The following TGIF1 variants were observed in gnomAD, a reference collection of about 807,000 sequenced individuals.
TGIF1 encodes homeobox protein TGIF1.
Under a neutral mutation model 19.3 loss-of-function variants are expected in TGIF1, and 4 were observed. That is an observed-to-expected ratio of 0.21 (90% CI 0.10 to 0.47). TGIF1 has a LOEUF of 0.47. Ranked by LOEUF, TGIF1 falls within the 20% of genes least tolerant of loss-of-function variation. The pLI, the probability that TGIF1 is intolerant of heterozygous loss-of-function variation, is 0.98. For synonymous variants in TGIF1, 122 were observed against 129.3 expected (o/e 0.94, Z 0.38); for missense variants, 275 against 341.4 (o/e 0.81, Z 1.53).
In TGIF1 at chr18:3,457,942, C is replaced by T; in HGVS notation, c.*2C>T. ...CTTCAGGCAAAACTTACAGCTTAAC[C>T]CATTTTCAAGCAAAACAGTTCTCAG... On this transcript the variant is annotated 3_prime_UTR_variant, in exon 3 of 3. Transcript: ENST00000343820. This position sits in a 1 kb window ranked among gnomAD's most constrained non-coding sequence, Gnocchi z 4.9. 6.3e-7 allele frequency: 1 copy of T among 1,599,842 alleles called. No individual in the cohort carries two copies.
intron 2 of TGIF1, among the ~76,000 whole-genome samples, chr18:3,430,936 C>T (rs986123173): frequency 6.6e-6 from 1 of 152,116 alleles, no homozygotes; most frequent in Non-Finnish European, 1.5e-5. Context: ...AGACTTACTA[C>T]TTATTGTATA....
chr18:3,431,972 A>G (rs2082552620), intron 2 of TGIF1, among the ~76,000 whole-genome samples: 1 of 152,054 alleles, frequency 6.6e-6, no homozygotes, highest in Non-Finnish European at 1.5e-5. Context: ...CTACTAAAAT[A>G]CAAAAATTAG....
chr18:3,447,659 G>A, upstream of TGIF1: 2 of 1,533,164 alleles, frequency 1.3e-6, no homozygotes. Context: ...GAGCGGTTGG[G>A]CTGTAAGCTT....
intron 2 of TGIF1, among the ~76,000 whole-genome samples, chr18:3,421,817 C>T (rs959722968): frequency 4.6e-5 from 7 of 151,950 alleles, no homozygotes; most frequent in African/African-American, 9.7e-5. Context: ...TTGCAAAAGA[C>T]GGCATTGTTA....
chr18:3,456,219 A>T lies in TGIF1; in HGVS notation c.17-135A>T. On this transcript the variant is annotated intron_variant, in intron 1 of 2. Coordinates refer to ENST00000343820, the MANE Select transcript of TGIF1 (RefSeq NM_003244.4). The surrounding 1 kb of genome is among the most constrained non-coding windows in gnomAD (Gnocchi z 4.2). ...TTTACTTGGACCCTGAATTCAGGAC[A>T]GAAAACACTGCTCCTTCTCCTCGCT... 6.6e-6 allele frequency: 6 copies of T among 910,114 alleles called. No individual in the cohort carries two copies. Among genetic ancestry groups the T allele is most frequent in the Middle Eastern group, 6.4e-4 (2 of 3,136 alleles). 56.4% of individuals were successfully genotyped at this position (910,114 alleles called of 1,614,324 possible). A position where few individuals can be genotyped will look rare whatever the true frequency, so the allele number is the denominator to read the frequency against.
chr18:3,448,377 G>C (rs1483162502), upstream of TGIF1: 1 of 1,007,864 alleles, frequency 9.9e-7, no homozygotes, highest in Non-Finnish European at 1.2e-6. Flanking sequence ...ACGGGCGGCG[G>C]GGGCGCTGGC....
At chr18:3,445,100 C>T (rs769489227) in intron 2 of TGIF1, among the ~76,000 whole-genome samples, 3 of 152,274 alleles carry the variant, frequency 2.0e-5, no homozygotes, top group South Asian at 4.1e-4. Flanking sequence ...CAGCCCCAAA[C>T]GTCAATAGGG....
chr18:3,419,394 T>C (rs2082372032), intron 2 of TGIF1, among the ~76,000 whole-genome samples: 1 of 152,242 alleles, frequency 6.6e-6, no homozygotes, highest in African/African-American at 2.4e-5. Flanking sequence ...AGAATAATTA[T>C]CTTTTCCTTG....
At chr18:3,449,243 T>A (rs2082820454), upstream of TGIF1, among the ~76,000 whole-genome samples, 5 of 151,840 alleles carry the variant, frequency 3.3e-5, no homozygotes, top group South Asian at 1.0e-3. Context: ...CCTAGCAGGG[T>A]TCCAATCCGA....
chr18:3,455,409 G>A (rs2083135339), intron 1 of TGIF1: 1 of 152,114 alleles, frequency 6.6e-6, no homozygotes, highest in South Asian at 2.1e-4. Context: ...ATTTCTGGCA[G>A]GATTAAAGTA....
intron 1 of TGIF1, chr18:3,418,068 A>AG (rs2082355871): frequency 6.6e-6 from 1 of 152,198 alleles, no homozygotes. Context: ...CTATCGGTGA[A>AG]GGGCCCAGTG....
intron 2 of TGIF1, among the ~76,000 whole-genome samples, chr18:3,435,656 T>A (rs940031432): frequency 8.5e-5 from 13 of 152,180 alleles, no homozygotes; most frequent in African/African-American, 3.1e-4. Flanking sequence ...CTTTTGAGGT[T>A]TCCCTTTTGC....
At chr18:3,454,808 C>CT (rs1342377176) in intron 1 of TGIF1, among the ~76,000 whole-genome samples, 1 of 152,204 alleles carries the variant, frequency 6.6e-6, no homozygotes, top group Non-Finnish European at 1.5e-5. Context: ...TCATCCACCT[C>CT]TTTGTTAGAA....
intron 2 of TGIF1, among the ~76,000 whole-genome samples, chr18:3,425,570 T>A (rs1355935767): frequency 6.6e-6 from 1 of 152,180 alleles, no homozygotes; most frequent in African/African-American, 2.4e-5. Context: ...AAGTACTGGA[T>A]GGCCCCACCC....
Position 3,415,587 on chromosome 18 carries a change from A to C in TGIF1, c.-117-2556A>C, listed in dbSNP as rs2082322157. ...CTCCAGCCTAGGGCGGTTCTCAGGA[A>C]CATGCCCAACGCCTTTTGAAAGCTC... On this transcript the variant is annotated intron_variant, in intron 1 of 3. Coordinates refer to the TGIF1 transcript ENST00000401449. 1.2e-5 allele frequency: 3 copies of C among 243,182 alleles called. No individual in the cohort carries two copies. The South Asian group carries it at 1.4e-4, about 11-fold the overall frequency. The allele number at this position is 243,182 out of a possible 1,614,324, so 15.1% of individuals were successfully genotyped here. A position where few individuals can be genotyped will look rare whatever the true frequency, so the allele number is the denominator to read the frequency against.
intron 1 of TGIF1, among the ~76,000 whole-genome samples, chr18:3,414,731 G>C (rs117142374): frequency 3.0e-4 from 45 of 152,022 alleles, no homozygotes; most frequent in Non-Finnish European, 5.0e-4. Flanking sequence ...GGAATTTCAA[G>C]AATTTTTTTT....
chr18:3,433,622 T>C (rs1484734097), intron 2 of TGIF1, among the ~76,000 whole-genome samples: 1 of 152,180 alleles, frequency 6.6e-6, no homozygotes, highest in Non-Finnish European at 1.5e-5. Context: ...GAGAAGTTAC[T>C]AGGGACTGTG....
chr18:3,439,855 TA>T lies in TGIF1; in HGVS notation c.-44-16491del, dbSNP rs948377246. Among the ~76,000 whole-genome samples the T allele has an allele frequency of 1.2e-3, 178 of 151,094 alleles. 1 individual carries two copies. Among genetic ancestry groups the T allele is most frequent in the Non-Finnish European group, 9.9e-4 (67 of 67,700 alleles). On this transcript the variant is annotated intron_variant, in intron 2 of 3. Coordinates refer to the TGIF1 transcript ENST00000401449. ...GGGCAACGTAGTGAAACCCGGTCTC[TA>T]AAAAAAATACAAAAATCAGCCAGGC...
chr18:3,433,220 C>T (rs1318457571), intron 2 of TGIF1, among the ~76,000 whole-genome samples: 1 of 151,742 alleles, frequency 6.6e-6, no homozygotes, highest in African/African-American at 2.4e-5. Flanking sequence ...ATTACAGGCA[C>T]ATGCCACCAC....
Sources: gnomAD v4.1 joint callset for allele counts (sites outside exome capture counted in the v4.1 genomes callset) on GRCh38, gnomAD v4.1.1 for gene constraint, Gnocchi (gnomAD v3.1) non-coding constraint, MANE v1.5 for transcripts, NCBI Gene and HGNC (gene_info 2026-07-23, HGNC 2026-07-21) for gene names.